The following CHST11 variants were observed in gnomAD, a reference collection of about 807,000 sequenced individuals.
CHST11 encodes C4S-1.
Under a neutral mutation model 30.4 loss-of-function variants are expected in CHST11, and 9 were observed. That is an observed-to-expected ratio of 0.30 (90% CI 0.18 to 0.52). CHST11 has a LOEUF of 0.52. CHST11 is among the 20% of genes least tolerant of loss of function. CHST11 has a pLI of 0.97. For synonymous variants in CHST11, 152 were observed against 187.8 expected, an observed-to-expected ratio of 0.81 and a Z score of 1.56; for missense variants, 348 against 460.6, an observed-to-expected ratio of 0.76 and a Z score of 2.24.
intron 2 of CHST11, among the ~76,000 whole-genome samples, chr12:104,707,902 A>C (rs2040050281): frequency 6.6e-6 from 1 of 152,212 alleles, no homozygotes; most frequent in Non-Finnish European, 1.5e-5. Flanking sequence ...GCATATACAA[A>C]CACACATGTG....
rs1371433352 is a variant in CHST11 at position 104,715,945 on chromosome 12, T to A, written c.205-41004T>A. On this transcript the variant is annotated intron_variant, in intron 2 of 2. Transcript: ENST00000303694. ...ATAGCAGTATTAGATCCGCGTTTAA[T>A]GGACAGCCGTGTGCTGCAGAGAATG... Among the ~76,000 whole-genome samples the A allele has an allele frequency of 2.0e-5, 3 of 152,292 alleles. No homozygotes were observed. In the East Asian group the frequency reaches 5.8e-4, roughly 29 times the overall value.
intron 1 of CHST11, among the ~76,000 whole-genome samples, chr12:104,474,674 T>G (rs2037541046): frequency 1.3e-5 from 2 of 152,202 alleles, no homozygotes; most frequent in African/African-American, 4.8e-5. Flanking sequence ...AGGAATGGAT[T>G]AGGAACACAG....
intron 1 of CHST11, among the ~76,000 whole-genome samples, chr12:104,529,134 G>C (rs1043134237): frequency 6.6e-6 from 1 of 152,186 alleles, no homozygotes; most frequent in African/African-American, 2.4e-5. Flanking sequence ...CTGAGGCTGG[G>C]GAAGGAGATG....
chr12:104,555,210 C>T (rs2038444029), intron 1 of CHST11, among the ~76,000 whole-genome samples: 1 of 152,134 alleles, frequency 6.6e-6, no homozygotes, highest in South Asian at 2.1e-4. Context: ...GTGGCTTGCT[C>T]TCTAGAGAAA....
chr12:104,595,812 C>T (rs1278170247), intron 1 of CHST11, among the ~76,000 whole-genome samples: 1 of 152,134 alleles, frequency 6.6e-6, no homozygotes, highest in Non-Finnish European at 1.5e-5. Context: ...GGAAGTTGAC[C>T]CAAGGTCCCA....
At chr12:104,709,742 G>C (rs1295180202) in intron 2 of CHST11, among the ~76,000 whole-genome samples, 2 of 152,178 alleles carry the variant, frequency 1.3e-5, no homozygotes, top group Non-Finnish European at 2.9e-5. Context: ...GCAGGTCAAT[G>C]GTTGCTTAGG....
intron 1 of CHST11, among the ~76,000 whole-genome samples, chr12:104,476,098 T>C (rs1246545242): frequency 7.1e-6 from 1 of 140,726 alleles, no homozygotes; most frequent in Non-Finnish European, 1.5e-5. Context: ...AAATTATAAT[T>C]ATATATAAAT....
chr12:104,649,078 G>A lies in CHST11; in HGVS notation c.204+47087G>A, dbSNP rs118184961. Among the ~76,000 whole-genome samples the A allele has an allele frequency of 9.0e-3, 1,369 of 152,142 alleles. 6 individuals are homozygous for A. The highest frequency in any genetic ancestry group is 0.015 in the Non-Finnish European group (1,020 of 67,998). On this transcript the variant is annotated intron_variant, in intron 2 of 2. Coordinates refer to ENST00000303694, the MANE Select transcript of CHST11 (RefSeq NM_018413.6). Reference sequence around the variant, plus strand: ...TCAGCCAGCTGCCAGCATGGAGCCCGGCTGATGTAGGATGGGAATCAGCCT... The same window carrying A: ...TCAGCCAGCTGCCAGCATGGAGCCCAGCTGATGTAGGATGGGAATCAGCCT...
chr12:104,707,835 T>G (rs2040049689), intron 2 of CHST11, among the ~76,000 whole-genome samples: 1 of 152,028 alleles, frequency 6.6e-6, no homozygotes, highest in East Asian at 1.9e-4. Flanking sequence ...GGCAGATACA[T>G]CCATACATTC....
chr12:104,566,060 C>T (rs1255842977), intron 1 of CHST11, among the ~76,000 whole-genome samples: 2 of 152,232 alleles, frequency 1.3e-5, no homozygotes, highest in African/African-American at 4.8e-5. Context: ...TGGACACACT[C>T]AGCCTTCTGG....
chr12:104,637,278 C>T lies in CHST11; in HGVS notation c.204+35287C>T, dbSNP rs534674538. Among the ~76,000 whole-genome samples the T allele has an allele frequency of 2.5e-5, 3 of 119,096 alleles. No individual in the cohort carries two copies. In the East Asian group the frequency reaches 8.0e-4, roughly 32 times the overall value. 78.1% of individuals were successfully genotyped at this position (119,096 alleles called of 152,430 possible). A position where few individuals can be genotyped will look rare whatever the true frequency, so the allele number is the denominator to read the frequency against. On this transcript the variant is annotated intron_variant, in intron 2 of 2. Coordinates refer to ENST00000303694, the MANE Select transcript of CHST11 (RefSeq NM_018413.6). The stretch of plus-strand genomic sequence containing the variant: ...GTGATTGCACCAACAGCATTCCAGC[C>T]TGGGCCATGGGAGTGAGACCCTGTA...
intron 1 of CHST11, among the ~76,000 whole-genome samples, chr12:104,547,738 T>C (rs757131327): frequency 2.0e-5 from 3 of 152,212 alleles, no homozygotes; most frequent in Non-Finnish European, 4.4e-5. Flanking sequence ...AATTCTTTAA[T>C]CTTTTTTGGG....
intron 2 of CHST11, among the ~76,000 whole-genome samples, chr12:104,659,880 G>T (rs894590961): frequency 1.3e-5 from 2 of 151,828 alleles, no homozygotes; most frequent in Non-Finnish European, 2.9e-5. Flanking sequence ...TACTAGGGAG[G>T]CTGAGGTGGG....
At chr12:104,717,242 C>T (rs534399076) in intron 2 of CHST11, among the ~76,000 whole-genome samples, 4 of 152,270 alleles carry the variant, frequency 2.6e-5, no homozygotes, top group African/African-American at 4.8e-5. Flanking sequence ...GCAGGAAGAG[C>T]GGGAGGTTAT....
At chr12:104,577,299 A>C (rs1158613039) in intron 1 of CHST11, among the ~76,000 whole-genome samples, 1 of 145,372 alleles carries the variant, frequency 6.9e-6, no homozygotes, top group Non-Finnish European at 1.5e-5. Flanking sequence ...CATAACATAA[A>C]ATTTACCATT....
intron 2 of CHST11, among the ~76,000 whole-genome samples, chr12:104,747,721 C>T (rs926674518): frequency 1.3e-5 from 2 of 152,176 alleles, no homozygotes; most frequent in Middle Eastern, 3.4e-3. Flanking sequence ...TTGTTAAAGG[C>T]AGATTCAGAA....
chr12:104,546,382 C>T lies in CHST11; in HGVS notation c.119-55524C>T, dbSNP rs183223983. On this transcript the variant is annotated intron_variant, in intron 1 of 2. Transcript: ENST00000303694. ...ACATGGGAGGCTGAGGCAGGAGAAT[C>T]GCTTGAGCCCAGGAGCTCAAGGTTG... Among the ~76,000 whole-genome samples, 367 of 151,144 alleles carry T rather than the reference C, an allele frequency of 2.4e-3. 2 individuals are homozygous for T. Among genetic ancestry groups the T allele is most frequent in the African/African-American group, 8.6e-3 (353 of 41,110 alleles).
chr12:104,602,132 C>T (rs1310752548), intron 2 of CHST11, 141 bp downstream of exon 2: 10 of 637,494 alleles, frequency 1.6e-5, no homozygotes, highest in South Asian at 1.5e-4. Flanking sequence ...TTGCTTTCTC[C>T]GTCACCCTTT....
chr12:104,726,687 G>A (rs935110566), intron 2 of CHST11, among the ~76,000 whole-genome samples: 2 of 152,192 alleles, frequency 1.3e-5, no homozygotes, highest in African/African-American at 4.8e-5. Context: ...GGGAAAGGGT[G>A]TGCCAGGATT....
Sources: allele counts gnomAD v4.1 joint callset (sites outside exome capture counted in the v4.1 genomes callset), GRCh38; gene constraint gnomAD v4.1.1; transcripts MANE v1.5; gene names NCBI Gene and HGNC (gene_info 2026-07-23, HGNC 2026-07-21).